Variants in LRRC36 observed in about 807,000 individuals in gnomAD.
LRRC36 encodes leucine rich repeat containing 36, also known as leucine-rich repeat-containing protein 36.
A neutral mutation model predicts 81.1 loss-of-function variants in LRRC36; 62 were observed. The ratio of observed to expected loss-of-function variants is 0.76; its 90% CI spans 0.62 to 0.94. The LOEUF (loss-of-function observed/expected upper bound fraction) is 0.94, where lower values mean the gene tolerates loss of function less well. Among genes scored for constraint, LRRC36 ranks in the 40% least tolerant of loss-of-function variants. The pLI is 0.00. For missense variants in LRRC36, 761 were observed against 881.7 expected (o/e 0.86, Z 1.73); for synonymous variants, 334 against 348.6 (o/e 0.96, Z 0.47).
rs563031855 is a variant in LRRC36, at chr16:67,360,631, C to T, written c.578-2959C>T. Among the ~76,000 whole-genome samples the T allele has an allele frequency of 2.0e-5, 3 of 152,274 alleles. No individual in the cohort carries two copies. In the South Asian group the frequency reaches 6.2e-4, roughly 32 times the overall value. On this transcript the variant is annotated intron_variant, in intron 5 of 13. Transcript: ENST00000329956. ...GTCACTTGCAGAAAAGTAGTTCTGT[C>T]GAGTCCAGTGGTTGGAAGAGCATCT...
intron 9 of LRRC36, among the ~76,000 whole-genome samples, chr16:67,372,723 A>T (rs559931081): frequency 6.6e-5 from 10 of 152,344 alleles, no homozygotes; most frequent in African/African-American, 2.4e-4. Flanking sequence ...CAGTTGTTGG[A>T]AATCTTACAC....
chr16:67,336,929 G>A (rs377227966), intron 1 of LRRC36, among the ~76,000 whole-genome samples: 4 of 151,880 alleles, frequency 2.6e-5, no homozygotes, highest in Non-Finnish European at 5.9e-5. Flanking sequence ...CACCACACCC[G>A]GCTAATTTTT....
chr16:67,370,615 C>T (rs1312767744), intron 8 of LRRC36, among the ~76,000 whole-genome samples: 3 of 132,100 alleles, frequency 2.3e-5, no homozygotes, highest in African/African-American at 6.3e-5. Context: ...CCTGGGCAAT[C>T]GAGCGAGACT....
rs760904360 is a variant in LRRC36, at chr16:67,375,382, G to A, written c.1630G>A (p.Gly544Ser). Residue 544 changes from glycine (G) to serine (S), a missense_variant, in exon 10 of 14, where the codon GGC (glycine) becomes AGC (serine). This residue lies in a region of LRRC36 where 359 missense variants were observed against 388.4 expected (regional missense o/e 0.92). Transcript: ENST00000329956. Reference sequence around the variant, plus strand: ...TGTGGATAAGCACTGGAATGGCTCCGGCTCCCTCCTCCTCAACAAGAAGTT... The same window carrying A: ...TGTGGATAAGCACTGGAATGGCTCCAGCTCCCTCCTCCTCAACAAGAAGTT... ...ELVDKHWNGS[G>S]SLLLNKKFLG... 1.6e-5 allele frequency: 26 copies of A among 1,592,056 alleles called. No individual in the cohort carries two copies. The highest frequency in any genetic ancestry group is 7.3e-5 in the Admixed American group (4 of 54,588).
intron 9 of LRRC36, 76 bp from the exon 10 acceptor site, chr16:67,375,167 TCTTA>T: frequency 6.7e-7 from 1 of 1,487,918 alleles, no homozygotes; most frequent in South Asian, 1.2e-5. Context: ...ATGTCTAAAT[TCTTA>T]CTTCCTTTAT....
chr16:67,339,056 C>T (rs763923692), intron 1 of LRRC36, among the ~76,000 whole-genome samples: 8 of 150,242 alleles, frequency 5.3e-5, no homozygotes, highest in East Asian at 1.9e-4. Flanking sequence ...CACCATGCCT[C>T]GCTAATTTTT....
intron 1 of LRRC36, among the ~76,000 whole-genome samples, chr16:67,328,556 A>G (rs2037320281): frequency 6.6e-6 from 1 of 151,560 alleles, no homozygotes; most frequent in Non-Finnish European, 1.5e-5. Flanking sequence ...GTGAGAAGAA[A>G]GTCTTTACTC....
At chr16:67,350,128 A>G in intron 4 of LRRC36, 74 bp from the exon 5 acceptor site, 1 of 1,010,824 alleles carries the variant, frequency 9.9e-7, no homozygotes, top group Admixed American at 2.2e-5. Flanking sequence ...ACTGCTTTCT[A>G]AATAGCATTT....
chr16:67,338,615 A>G lies in LRRC36; in HGVS notation c.71-3342A>G, dbSNP rs181546093. Among the ~76,000 whole-genome samples the G allele has an allele frequency of 1.2e-3, 184 of 152,296 alleles. 1 individual carries two copies. The highest frequency in any genetic ancestry group is 4.1e-3 in the African/African-American group (172 of 41,572). On this transcript the variant is annotated intron_variant, in intron 1 of 13. Transcript: ENST00000329956. The stretch of plus-strand genomic sequence containing the variant: ...ACTTCAGAATCTATTGGTATATCTT[A>G]CATATGGATGAATCTTTTACCCATG...
chr16:67,378,744 C>T (rs762448284), intron 12 of LRRC36, 32 bp downstream of exon 12: 4 of 1,608,156 alleles, frequency 2.5e-6, no homozygotes, highest in Admixed American at 3.4e-5. Flanking sequence ...TATATGAGGC[C>T]TCTCAAGACA....
chr16:67,334,108 C>T (rs559892234), intron 1 of LRRC36, among the ~76,000 whole-genome samples: 16 of 147,474 alleles, frequency 1.1e-4, no homozygotes, highest in Middle Eastern at 7.4e-3. Flanking sequence ...CTCGGCTCAC[C>T]GCAAGCTCTG....
intron 5 of LRRC36, among the ~76,000 whole-genome samples, chr16:67,357,982 T>C (rs2038975413): frequency 2.6e-5 from 4 of 152,238 alleles, no homozygotes; most frequent in Admixed American, 2.6e-4. Context: ...AAACCTGGGC[T>C]GGACAACAGG....
chr16:67,354,761 T>C (rs2038822219), intron 5 of LRRC36, among the ~76,000 whole-genome samples: 1 of 152,150 alleles, frequency 6.6e-6, no homozygotes, highest in Admixed American at 6.5e-5. Flanking sequence ...TGACACATCA[T>C]TATAACCCAA....
intron 12 of LRRC36, among the ~76,000 whole-genome samples, chr16:67,380,926 G>A (rs768930873): frequency 1.3e-5 from 2 of 152,116 alleles, no homozygotes; most frequent in Admixed American, 6.6e-5. Flanking sequence ...TGATTTGTAA[G>A]CATATTACAG....
At chr16:67,376,658 T>C in intron 10 of LRRC36, 69 bp from the exon 11 acceptor site, 1 of 1,499,198 alleles carries the variant, frequency 6.7e-7, no homozygotes, top group African/African-American at 1.4e-5. Flanking sequence ...GAGCTGGTAG[T>C]TACTGACTAG....
At chr16:67,353,013 AG>A (rs2038728727) in intron 5 of LRRC36, among the ~76,000 whole-genome samples, 1 of 152,042 alleles carries the variant, frequency 6.6e-6, no homozygotes, top group African/African-American at 2.4e-5. Context: ...TTTATTTTAT[AG>A]TCTTTCCTCA....
chr16:67,348,762 TG>T (rs1483666027), intron 4 of LRRC36, among the ~76,000 whole-genome samples: 1 of 152,214 alleles, frequency 6.6e-6, no homozygotes, highest in African/African-American at 2.4e-5. Flanking sequence ...ACAAGGATCT[TG>T]TTGGTCTTGC....
At chr16:67,357,559 TAAGA>T (rs953053674) in intron 5 of LRRC36, among the ~76,000 whole-genome samples, 2 of 152,048 alleles carry the variant, frequency 1.3e-5, no homozygotes, top group African/African-American at 2.4e-5. Context: ...AGCTCTAGAG[TAAGA>T]ACTTTCCTTC....
chr16:67,362,394 C>T (rs1597474885), intron 5 of LRRC36: 1 of 281,044 alleles, frequency 3.6e-6, no homozygotes, highest in East Asian at 1.2e-4. Context: ...AACTCCTGAC[C>T]TCATCATCCG....
Sources: gnomAD v4.1 joint callset for allele counts (sites outside exome capture counted in the v4.1 genomes callset) on GRCh38, gnomAD v4.1.1 for gene constraint, gnomAD v4.1.1 regional missense constraint, MANE v1.5 for transcripts, NCBI Gene and HGNC (gene_info 2026-07-23, HGNC 2026-07-21) for gene names.